NKAIN2: variants seen among roughly 807,000 people sequenced by gnomAD.
NKAIN2 encodes the protein sodium/potassium transporting ATPase interacting 2, also known as sodium/potassium-transporting ATPase subunit beta-1-interacting protein 2.
A neutral mutation model predicts 32.6 loss-of-function variants in NKAIN2; 14 were observed. That is an observed-to-expected ratio of 0.43 (90% CI 0.28 to 0.67). The LOEUF (loss-of-function observed/expected upper bound fraction) is 0.67, where lower values mean the gene tolerates loss of function less well. Ranked by LOEUF, NKAIN2 falls within the 30% of genes least tolerant of loss-of-function variation. The pLI, the probability that NKAIN2 is intolerant of heterozygous loss-of-function variation, is 0.17. For synonymous variants in NKAIN2, 80 were observed against 87.2 expected, an observed-to-expected ratio of 0.92 and a Z score of 0.46; for missense variants, 198 against 258.3, an observed-to-expected ratio of 0.77 and a Z score of 1.60.
In NKAIN2 at chr6:123,826,771, C is replaced by G. The variant is rs12201813; in HGVS notation, c.54+22517C>G. Among the ~76,000 whole-genome samples, 209 of 152,082 alleles carry G rather than the reference C, an allele frequency of 1.4e-3. No homozygotes were observed. In the East Asian group the frequency reaches 0.016, roughly 12 times the overall value. On this transcript the variant is annotated intron_variant, in intron 1 of 6. Transcript: ENST00000368417. Reference sequence around the variant, plus strand: ...AGTGAACTCTTGGGTTGCTTCTATCCTTTGAAAATTGTAAATAATACTGCT... The same window carrying G: ...AGTGAACTCTTGGGTTGCTTCTATCGTTTGAAAATTGTAAATAATACTGCT...
Position 123,931,378 on chromosome 6 carries a change from G to C in NKAIN2, c.54+127124G>C, listed in dbSNP as rs960987211. ...CATTTCTTACTCTCCACTGAAAAATGTATGTGGTACTCTTGAAAGTTAAGA... is the reference window on the plus strand; with the variant it reads ...CATTTCTTACTCTCCACTGAAAAATCTATGTGGTACTCTTGAAAGTTAAGA... On this transcript the variant is annotated intron_variant, in intron 1 of 6. Coordinates refer to ENST00000368417, the MANE Select transcript of NKAIN2 (RefSeq NM_001040214.3). Among the ~76,000 whole-genome samples, 4 of 152,158 alleles carry C rather than the reference G, an allele frequency of 2.6e-5. No homozygotes were observed. In the South Asian group the frequency reaches 8.3e-4, roughly 32 times the overall value.
chr6:124,386,711 C>T (rs189179298), intron 3 of NKAIN2, among the ~76,000 whole-genome samples: 5 of 152,110 alleles, frequency 3.3e-5, no homozygotes, highest in African/African-American at 1.2e-4. Context: ...ATTGCCAATC[C>T]TCTTCAATTA....
In NKAIN2 at chr6:124,515,713, C is replaced by CCCTTCTTTCTTTTT. The variant is rs1562232431; in HGVS notation, c.274-142473_274-142472insCCTTCTTTCTTTTT. 3.0e-5 allele frequency among the ~76,000 whole-genome samples: 2 copies of CCCTTCTTTCTTTTT among 67,736 alleles called. 1 individual carries two copies. The highest frequency in any genetic ancestry group is 6.7e-5 in the Non-Finnish European group (2 of 29,634). The allele number at this position is 67,736 out of a possible 152,430, so 44.4% of individuals were successfully genotyped here. A position where few individuals can be genotyped will look rare whatever the true frequency, so the allele number is the denominator to read the frequency against. Reference sequence around the variant, plus strand: ...CCTACTTCATTTTTCTTCGCTTTCTCTCCGTCTCGCTCTGTCGCCCAGGCT... The same window carrying CCCTTCTTTCTTTTT: ...CCTACTTCATTTTTCTTCGCTTTCTCCCTTCTTTCTTTTTTCCGTCTCGCTCTGTCGCCCAGGCT... On this transcript the variant is annotated intron_variant, in intron 3 of 6. Coordinates refer to ENST00000368417, the MANE Select transcript of NKAIN2 (RefSeq NM_001040214.3).
At chr6:124,080,866 T>C (rs898432927) in intron 1 of NKAIN2, among the ~76,000 whole-genome samples, 1 of 152,146 alleles carries the variant, frequency 6.6e-6, no homozygotes, top group Non-Finnish European at 1.5e-5. Context: ...CTTTATCTAA[T>C]ACCATGTCAT....
chr6:124,583,589 G>A (rs1781602416), intron 3 of NKAIN2, among the ~76,000 whole-genome samples: 1 of 152,100 alleles, frequency 6.6e-6, no homozygotes, highest in Non-Finnish European at 1.5e-5. Context: ...AAATACCAGT[G>A]ACATTCTTCA....
At chr6:124,653,351 T>C (rs560178489) in intron 3 of NKAIN2, among the ~76,000 whole-genome samples, 5 of 146,854 alleles carry the variant, frequency 3.4e-5, no homozygotes, top group East Asian at 4.1e-4. Context: ...CACACAAATA[T>C]AGTCAACTGT....
intron 1 of NKAIN2, among the ~76,000 whole-genome samples, chr6:124,008,445 G>T (rs1780176729): frequency 6.6e-6 from 1 of 152,014 alleles, no homozygotes; most frequent in African/African-American, 2.4e-5. Flanking sequence ...ATAAGTATGT[G>T]CAAGTGCTAT....
intron 3 of NKAIN2, among the ~76,000 whole-genome samples, chr6:124,587,032 G>A (rs1002795719): frequency 5.9e-5 from 9 of 152,294 alleles, no homozygotes; most frequent in African/African-American, 2.2e-4. Context: ...GGACTGGGGT[G>A]AGAGGAGGAG....
At chr6:124,135,697 G>T (rs939322856) in intron 1 of NKAIN2, among the ~76,000 whole-genome samples, 6 of 151,742 alleles carry the variant, frequency 4.0e-5, no homozygotes, top group Admixed American at 2.6e-4. Flanking sequence ...GACCAAAGTG[G>T]AATAAAACCG....
chr6:124,186,217 G>A (rs1300090573), intron 1 of NKAIN2, among the ~76,000 whole-genome samples: 1 of 143,610 alleles, frequency 7.0e-6, no homozygotes, highest in African/African-American at 2.7e-5. Flanking sequence ...AAAGAAGGAA[G>A]GAAGGAAGGA....
At chr6:124,783,052 C>A (rs539573360) in intron 4 of NKAIN2, among the ~76,000 whole-genome samples, 19 of 152,088 alleles carry the variant, frequency 1.2e-4, no homozygotes, top group Non-Finnish European at 2.4e-4. Flanking sequence ...ATCTCCCAAC[C>A]GGCACATGTA....
At chr6:124,424,390 G>A (rs1562175818) in intron 3 of NKAIN2, among the ~76,000 whole-genome samples, 1 of 152,164 alleles carries the variant, frequency 6.6e-6, no homozygotes, top group East Asian at 1.9e-4. Flanking sequence ...TACTGTGTGT[G>A]TGTATGTGTG....
At chr6:123,880,564 T>G (rs956544344) in intron 1 of NKAIN2, among the ~76,000 whole-genome samples, 4 of 152,174 alleles carry the variant, frequency 2.6e-5, no homozygotes, top group African/African-American at 9.7e-5. Flanking sequence ...ACATCTCTAT[T>G]TCAAGAACTG....
chr6:124,678,105 T>C (rs1186889354), intron 4 of NKAIN2, among the ~76,000 whole-genome samples: 1 of 152,164 alleles, frequency 6.6e-6, no homozygotes, highest in East Asian at 1.9e-4. Context: ...CTACCTTGTA[T>C]GTGATGTCTC....
At chr6:124,717,416 A>G (rs926377056) in intron 4 of NKAIN2, among the ~76,000 whole-genome samples, 5 of 152,208 alleles carry the variant, frequency 3.3e-5, no homozygotes, top group Non-Finnish European at 7.3e-5. Context: ...CCAGGTAGGT[A>G]TCAATGGTTG....
intron 3 of NKAIN2, among the ~76,000 whole-genome samples, chr6:124,454,106 T>TGG (rs35989042): frequency 3.3e-4 from 20 of 60,748 alleles, no homozygotes; most frequent in Non-Finnish European, 7.1e-4. Flanking sequence ...GTTTTTTTTT[T>TGG]GGGGGGGGGG....
intron 1 of NKAIN2, among the ~76,000 whole-genome samples, chr6:123,971,892 G>C (rs563425127): frequency 6.6e-6 from 1 of 152,258 alleles, no homozygotes; most frequent in African/African-American, 2.4e-5. Context: ...TTCTGCAAGA[G>C]TCTGGACAAG....
intron 1 of NKAIN2, among the ~76,000 whole-genome samples, chr6:123,976,826 T>G (rs1467976569): frequency 6.6e-6 from 1 of 152,206 alleles, no homozygotes; most frequent in African/African-American, 2.4e-5. Context: ...TACAAAATTG[T>G]GAACTTTTTA....
intron 1 of NKAIN2, among the ~76,000 whole-genome samples, chr6:123,890,303 C>T (rs1582722920): frequency 6.6e-6 from 1 of 151,672 alleles, no homozygotes; most frequent in East Asian, 2.0e-4. Flanking sequence ...TAAGACTACT[C>T]AAGCAGAAAA....
Sources: allele counts gnomAD v4.1 joint callset (sites outside exome capture counted in the v4.1 genomes callset), GRCh38; gene constraint gnomAD v4.1.1; transcripts MANE v1.5; gene names NCBI Gene and HGNC (gene_info 2026-07-23, HGNC 2026-07-21).